The following DCAF6 variants were observed in gnomAD, a reference collection of about 807,000 sequenced individuals.
DCAF6 encodes DDB1- and CUL4-associated factor 6.
DCAF6 carries 54 observed loss-of-function variants against 125.1 expected under a neutral mutation model. The observed-to-expected ratio is 0.43, with a 90% CI of 0.35 to 0.54. The LOEUF is 0.54. DCAF6 is among the 20% of genes least tolerant of loss of function. DCAF6 has a pLI of 0.01. For synonymous variants in DCAF6, 371 were observed against 390.4 expected, an observed-to-expected ratio of 0.95 and a Z score of 0.58; for missense variants, 934 against 1,161.7, an observed-to-expected ratio of 0.80 and a Z score of 2.85.
chr1:167,892,830 G>A, the DCAF6 span, among the ~76,000 whole-genome samples: 1 of 152,182 alleles, frequency 6.6e-6, no homozygotes, highest in African/African-American at 2.4e-5. Context: ...TATTAGGAGG[G>A]TGGATAGCCT....
chr1:167,964,880 A>G (rs1313042263), intron 2 of DCAF6, among the ~76,000 whole-genome samples: 1 of 152,082 alleles, frequency 6.6e-6, no homozygotes, highest in Non-Finnish European at 1.5e-5. Flanking sequence ...TTTGATTGCT[A>G]CCATTTCCTT....
intron 14 of DCAF6, 68 bp downstream of exon 14, chr1:168,043,208 C>G: frequency 8.8e-7 from 1 of 1,130,390 alleles, no homozygotes; most frequent in Non-Finnish European, 1.3e-6. Context: ...TTTCCTGTTC[C>G]CTTCGATGCT....
chr1:167,905,635 T>C, the DCAF6 span, among the ~76,000 whole-genome samples: 10 of 151,862 alleles, frequency 6.6e-5, no homozygotes, highest in Non-Finnish European at 1.3e-4. Flanking sequence ...TTCGTGTGTG[T>C]GAGTGTATTT....
chr1:167,923,228 A>T, the DCAF6 span, among the ~76,000 whole-genome samples: 1 of 152,238 alleles, frequency 6.6e-6, no homozygotes, highest in Non-Finnish European at 1.5e-5. Flanking sequence ...TATTGACTTA[A>T]ACAGATTCTT....
At chr1:168,052,333 TTTAA>T (rs763390688) in intron 17 of DCAF6, among the ~76,000 whole-genome samples, 7 of 152,218 alleles carry the variant, frequency 4.6e-5, no homozygotes, top group African/African-American at 1.4e-4. Context: ...ACCATGATGC[TTTAA>T]TTGAGTTTTA....
chr1:167,921,378 T>C, the DCAF6 span, among the ~76,000 whole-genome samples: 1 of 151,996 alleles, frequency 6.6e-6, no homozygotes, highest in Non-Finnish European at 1.5e-5. Context: ...TGTGCCAATA[T>C]GCCTGGCTAA....
At chr1:168,028,517 T>C (rs991058970) in intron 12 of DCAF6, among the ~76,000 whole-genome samples, 5 of 152,212 alleles carry the variant, frequency 3.3e-5, no homozygotes, top group African/African-American at 4.8e-5. Flanking sequence ...TTTTCTGTTA[T>C]AGATTTAAAG....
the DCAF6 span, among the ~76,000 whole-genome samples, chr1:167,926,714 A>G: frequency 1.3e-5 from 2 of 152,174 alleles, no homozygotes; most frequent in East Asian, 3.9e-4. Context: ...CCGCTCCCAG[A>G]AAGTAGAGGG....
chr1:167,870,850 A>G, the DCAF6 span, among the ~76,000 whole-genome samples: 2 of 151,820 alleles, frequency 1.3e-5, no homozygotes, highest in Non-Finnish European at 2.9e-5. Flanking sequence ...CATTGTTCAC[A>G]GACTTTCTTC....
chr1:167,921,109 T>C, the DCAF6 span, among the ~76,000 whole-genome samples: 2 of 152,174 alleles, frequency 1.3e-5, no homozygotes, highest in African/African-American at 4.8e-5. Context: ...AGATTTGGGG[T>C]ATATGTGCAG....
upstream of DCAF6, chr1:167,936,497 G>T: frequency 4.7e-6 from 1 of 210,712 alleles, no homozygotes; most frequent in Non-Finnish European, 9.6e-6. Context: ...TGGCCCGAAT[G>T]CATTCTTCCA....
the DCAF6 span, among the ~76,000 whole-genome samples, chr1:167,924,121 T>C: frequency 6.6e-6 from 1 of 152,314 alleles, no homozygotes; most frequent in Non-Finnish European, 1.5e-5. Flanking sequence ...TTTCCTCACC[T>C]ATATTTTGGT....
the DCAF6 span, chr1:167,903,951 G>A: frequency 6.2e-7 from 1 of 1,614,012 alleles, no homozygotes. Context: ...CTCTGTCCAT[G>A]TACATGGCAC....
chr1:168,033,672 C>G (rs934238958), intron 12 of DCAF6, among the ~76,000 whole-genome samples: 2 of 152,158 alleles, frequency 1.3e-5, no homozygotes, highest in African/African-American at 4.8e-5. Flanking sequence ...CCTTTCACTT[C>G]TAATCCCCCA....
At chr1:167,997,105 G>T (rs1681835326) in intron 7 of DCAF6, among the ~76,000 whole-genome samples, 1 of 152,102 alleles carries the variant, frequency 6.6e-6, no homozygotes, top group East Asian at 1.9e-4. Context: ...ACATATAAAA[G>T]GTGCTCAAAA....
At chr1:168,072,048 A>G (rs1693107501) in intron 21 of DCAF6, among the ~76,000 whole-genome samples, 1 of 152,058 alleles carries the variant, frequency 6.6e-6, no homozygotes, top group African/African-American at 2.4e-5. Flanking sequence ...CTGTAATCCC[A>G]GCACTTTGGG....
intron 17 of DCAF6, among the ~76,000 whole-genome samples, chr1:168,058,470 T>C (rs1273145121): frequency 6.6e-6 from 1 of 152,254 alleles, no homozygotes; most frequent in African/African-American, 2.4e-5. Context: ...TTCTAATTGA[T>C]TTGGTAAACA....
chr1:168,036,367 T>C (rs967444270), intron 12 of DCAF6, among the ~76,000 whole-genome samples: 1 of 152,196 alleles, frequency 6.6e-6, no homozygotes, highest in African/African-American at 2.4e-5. Flanking sequence ...ATCTGAGAAA[T>C]TCAGTCTTAC....
At chr1:167,904,910 A>T in the DCAF6 span, 1 of 1,594,950 alleles carries the variant, frequency 6.3e-7, no homozygotes. Flanking sequence ...TGGCCTCCCT[A>T]CTCTGCAATC....
Sources: allele counts gnomAD v4.1 joint callset (sites outside exome capture counted in the v4.1 genomes callset), GRCh38; gene constraint gnomAD v4.1.1; transcripts MANE v1.5; gene names NCBI Gene and HGNC (gene_info 2026-07-23, HGNC 2026-07-21).